Variants in LEPR observed in about 807,000 individuals in gnomAD.
The protein encoded by LEPR is leptin receptor.
LEPR carries 56 observed loss-of-function variants against 114.7 expected under a neutral mutation model. The ratio of observed to expected loss-of-function variants is 0.49; its 90% CI spans 0.39 to 0.61. LEPR has a LOEUF of 0.61. Ranked by LOEUF, LEPR falls within the 20% of genes least tolerant of loss-of-function variation. The pLI is 0.00. For missense variants in LEPR, 1,202 were observed against 1,352.9 expected (o/e 0.89, Z 1.75); for synonymous variants, 443 against 461.4 (o/e 0.96, Z 0.51).
chr1:65,429,797 A>C, intron 2 of LEPR: 1 of 1,252,956 alleles, frequency 8.0e-7, no homozygotes, highest in Non-Finnish European at 1.1e-6. Flanking sequence ...AAATAGTAGT[A>C]TGTCTTTCAT....
At chr1:65,505,021 A>G (rs10889557) in intron 2 of LEPR, among the ~76,000 whole-genome samples, 99,757 of 152,052 alleles carry the variant, frequency 0.66, 33,877 homozygotes, top group Middle Eastern at 0.86. Context: ...AGTGCTGTCA[A>G]CGTGCAGCAC....
At chr1:65,484,843 G>C (rs556959420) in intron 2 of LEPR, among the ~76,000 whole-genome samples, 6 of 152,272 alleles carry the variant, frequency 3.9e-5, no homozygotes, top group African/African-American at 1.4e-4. Flanking sequence ...TCTGAAAATT[G>C]CATGCTTCTT....
intron 3 of LEPR, among the ~76,000 whole-genome samples, chr1:65,568,020 CAT>C (rs1653897060): frequency 6.6e-6 from 1 of 152,136 alleles, no homozygotes; most frequent in Non-Finnish European, 1.5e-5. Context: ...GCTTTAGAAA[CAT>C]ACAGAAGAAT....
rs1658828866 is a variant in LEPR at position 65,640,415 on chromosome 1, CTATT to C, written c.*3405_*3408del. ...AGTTACCTTAACAAACCTTTCTCAGCTATTTATTATTGAGAAAGCCCATTCTTAA... is the reference window on the plus strand; with the variant it reads ...AGTTACCTTAACAAACCTTTCTCAGCTATTATTGAGAAAGCCCATTCTTAA... On this transcript the variant is annotated 3_prime_UTR_variant, in exon 20 of 20. Coordinates refer to ENST00000349533, the MANE Select transcript of LEPR (RefSeq NM_002303.6). The C allele has an allele frequency of 6.6e-6, 1 of 152,114 alleles. No individual in the cohort carries two copies. The highest frequency in any genetic ancestry group is 2.4e-5 in the African/African-American group (1 of 41,426). 9.4% of individuals were successfully genotyped at this position (152,114 alleles called of 1,614,324 possible).
At chr1:65,469,349 G>A (rs1285426568) in intron 2 of LEPR, among the ~76,000 whole-genome samples, 1 of 152,208 alleles carries the variant, frequency 6.6e-6, no homozygotes, top group Non-Finnish European at 1.5e-5. Flanking sequence ...CACAAGCAAA[G>A]GTCCAGAACT....
intron 2 of LEPR, among the ~76,000 whole-genome samples, chr1:65,450,507 A>T (rs1169758622): frequency 7.1e-6 from 1 of 141,780 alleles, no homozygotes; most frequent in Non-Finnish European, 1.5e-5. Context: ...ATTCCCACCT[A>T]TGAGTGAGAA....
Position 65,637,326 on chromosome 1 carries a change from G to A in LEPR, c.*311G>A, listed in dbSNP as rs147995175. On this transcript the variant is annotated 3_prime_UTR_variant, in exon 20 of 20. Coordinates refer to ENST00000349533, the MANE Select transcript of LEPR (RefSeq NM_002303.6). The stretch of plus-strand genomic sequence containing the variant: ...AGATGTAATTGTTTTTTCAGAGGGC[G>A]TGTTGTTTTACCTCAAGTTTTTGTT... 1.4e-4 allele frequency: 37 copies of A among 257,882 alleles called. 1 individual carries two copies. The highest frequency in any genetic ancestry group is 7.1e-4 in the African/African-American group (32 of 45,050). The allele number at this position is 257,882 out of a possible 1,614,324, so 16.0% of individuals were successfully genotyped here.
intron 5 of LEPR, among the ~76,000 whole-genome samples, chr1:65,586,647 A>G (rs1655338115): frequency 6.6e-6 from 1 of 151,884 alleles, no homozygotes; most frequent in African/African-American, 2.4e-5. Flanking sequence ...AATGTAAGTA[A>G]CCATTCTTAG....
intron 5 of LEPR, among the ~76,000 whole-genome samples, chr1:65,590,489 T>C (rs1339684704): frequency 6.6e-6 from 1 of 151,486 alleles, no homozygotes; most frequent in East Asian, 2.0e-4. Flanking sequence ...TTCACTATTA[T>C]GGCGGTTACC....
chr1:65,590,558 A>G (rs1464908750), intron 5 of LEPR, among the ~76,000 whole-genome samples: 1 of 151,620 alleles, frequency 6.6e-6, no homozygotes, highest in Non-Finnish European at 1.5e-5. Context: ...GCTTTTCCCC[A>G]CATTCACTCT....
intron 2 of LEPR, among the ~76,000 whole-genome samples, chr1:65,518,661 G>A (rs1649407403): frequency 6.6e-6 from 1 of 152,124 alleles, no homozygotes; most frequent in South Asian, 2.1e-4. Context: ...AACACTGCTT[G>A]AAAATCTCCT....
chr1:65,589,579 G>A (rs1014191059), intron 5 of LEPR, among the ~76,000 whole-genome samples: 5 of 151,804 alleles, frequency 3.3e-5, no homozygotes, highest in African/African-American at 1.2e-4. Context: ...GATTCATTTG[G>A]AATTAATTTT....
At chr1:65,426,204 C>T (rs1272303232) in intron 2 of LEPR, among the ~76,000 whole-genome samples, 2 of 152,120 alleles carry the variant, frequency 1.3e-5, no homozygotes, top group Non-Finnish European at 2.9e-5. Flanking sequence ...GCACTTTAGG[C>T]ACCAGGAAAG....
Position 65,451,593 on chromosome 1 carries a change from T to C in LEPR, c.-21+26215T>C, listed in dbSNP as rs1020161158. Among the ~76,000 whole-genome samples the C allele has an allele frequency of 3.9e-4, 59 of 152,348 alleles. 1 individual carries two copies. The East Asian group carries it at 5.4e-3, about 14-fold the overall frequency. On this transcript the variant is annotated intron_variant, in intron 2 of 19. Transcript: ENST00000349533. ...GTCAAAGATCAGATAGTTGTAGATA[T>C]GCAGCATTATTTCTGAGGGCTCTGT...
rs35530125 is a variant in LEPR at position 65,603,351 on chromosome 1, T to TCACA, written c.1403+1410_1403+1413dup. ...TTTTTGCCCACGCACCACCATTTATTCACACACACACACACACACACATTC... is the reference window on the plus strand; with the variant it reads ...TTTTTGCCCACGCACCACCATTTATTCACACACACACACACACACACACACATTC... On this transcript the variant is annotated intron_variant, in intron 10 of 19. Coordinates refer to ENST00000349533, the MANE Select transcript of LEPR (RefSeq NM_002303.6). 4.0e-3 allele frequency among the ~76,000 whole-genome samples: 599 copies of TCACA among 149,898 alleles called. 1 individual carries two copies. The highest frequency in any genetic ancestry group is 9.5e-3 in the East Asian group (48 of 5,072).
At chr1:65,464,987 T>C (rs1387666497) in intron 2 of LEPR, among the ~76,000 whole-genome samples, 4 of 152,222 alleles carry the variant, frequency 2.6e-5, no homozygotes, top group African/African-American at 4.8e-5. Flanking sequence ...CCTGGATTCA[T>C]TGATTTTTTT....
chr1:65,540,323 G>A (rs560795846), intron 2 of LEPR, among the ~76,000 whole-genome samples: 2 of 152,194 alleles, frequency 1.3e-5, no homozygotes, highest in African/African-American at 2.4e-5. Context: ...CAAATCTCAC[G>A]TTGAAATGTA....
chr1:65,565,343 T>C (rs1005799030), intron 2 of LEPR, among the ~76,000 whole-genome samples: 1 of 152,240 alleles, frequency 6.6e-6, no homozygotes, highest in South Asian at 2.1e-4. Flanking sequence ...CTTGTATTTT[T>C]AATGATGTAA....
At chr1:65,420,888 C>G in intron 1 of LEPR, 148 bp downstream of exon 1, 1 of 1,043,824 alleles carries the variant, frequency 9.6e-7, no homozygotes, top group Non-Finnish European at 1.4e-6. Context: ...TCGACCGCTC[C>G]CTTCGTCCCT....
Sources: allele counts gnomAD v4.1 joint callset (sites outside exome capture counted in the v4.1 genomes callset), GRCh38; gene constraint gnomAD v4.1.1; transcripts MANE v1.5; gene names NCBI Gene and HGNC (gene_info 2026-07-23, HGNC 2026-07-21).